The following RLF variants were observed in gnomAD, a reference collection of about 807,000 sequenced individuals.
RLF encodes the protein RLF zinc finger.
Under a neutral mutation model 162.9 loss-of-function variants are expected in RLF, and 7 were observed. The observed-to-expected ratio is 0.04, with a 90% CI of 0.02 to 0.08. RLF has a LOEUF of 0.08. Among genes scored for constraint, RLF ranks in the 10% least tolerant of loss-of-function variants. RLF has a pLI of 1.00. For synonymous variants in RLF, 782 were observed against 791.5 expected, an observed-to-expected ratio of 0.99 and a Z score of 0.20; for missense variants, 1,664 against 2,244.7, an observed-to-expected ratio of 0.74 and a Z score of 5.23.
In RLF at chr1:40,238,994, A is replaced by G; in HGVS notation, c.4292A>G (p.Gln1431Arg). 6.2e-7 allele frequency: 1 copy of G among 1,614,208 alleles called. No individual in the cohort carries two copies. Among genetic ancestry groups the G allele is most frequent in the Non-Finnish European group, 8.5e-7 (1 of 1,180,014 alleles). ...FNKLKHHLME[Q>R]HNIEGEIHSD... Reference sequence around the variant, plus strand: ...AAGTTGAAGCACCACTTGATGGAACAGCATAATATTGAAGGGGAAATACAT... The same window carrying G: ...AAGTTGAAGCACCACTTGATGGAACGGCATAATATTGAAGGGGAAATACAT... Residue 1431 changes from glutamine (Q) to arginine (R), a missense_variant, in exon 8 of 8, where the codon CAG (glutamine) becomes CGG (arginine). Physicochemically the swap from Gln to Arg is conservative, Grantham distance 43. Transcript: ENST00000372771. The surrounding 1 kb of genome is among the most constrained non-coding windows in gnomAD (Gnocchi z 5.2).
At chr1:40,234,399 G>T (rs1305129324) in intron 7 of RLF, among the ~76,000 whole-genome samples, 1 of 152,168 alleles carries the variant, frequency 6.6e-6, no homozygotes, top group East Asian at 1.9e-4. Context: ...TGTAGTAGGG[G>T]TTCTGTAAAT....
At chr1:40,231,426 C>G (rs1643150494) in intron 6 of RLF, 91 bp from the exon 7 acceptor site, 1 of 1,129,406 alleles carries the variant, frequency 8.9e-7, no homozygotes, top group Non-Finnish European at 1.3e-6. Flanking sequence ...CTACTGTCAG[C>G]TTTCTACAGA....
intron 5 of RLF, among the ~76,000 whole-genome samples, chr1:40,220,361 T>C (rs977002011): frequency 2.6e-5 from 4 of 152,254 alleles, no homozygotes; most frequent in Admixed American, 1.3e-4. Flanking sequence ...CTCACTCTTA[T>C]TAGGCCACTG....
At chr1:40,172,961 G>A (rs1303290563) in intron 1 of RLF, among the ~76,000 whole-genome samples, 2 of 151,728 alleles carry the variant, frequency 1.3e-5, no homozygotes, top group African/African-American at 2.4e-5. Flanking sequence ...GGGAGTCCCC[G>A]TTTTACTAAA....
rs1403083048 is a variant in RLF at position 40,173,187 on chromosome 1, C to G, written c.237+11551C>G. On this transcript the variant is annotated intron_variant, in intron 1 of 7. Transcript: ENST00000372771. ...TGCCTCCCGGGTTCAAGCGATTCTC[C>G]TGCCTCAGCCTCTTGAGTAGCTGGG... Among the ~76,000 whole-genome samples, 3 of 151,752 alleles carry G rather than the reference C, an allele frequency of 2.0e-5. No individual in the cohort carries two copies. The East Asian group carries it at 5.8e-4, about 30-fold the overall frequency.
intron 6 of RLF, among the ~76,000 whole-genome samples, chr1:40,228,962 G>C (rs1055372507): frequency 1.3e-5 from 2 of 152,146 alleles, no homozygotes; most frequent in African/African-American, 4.8e-5. Context: ...GCCACCAAGA[G>C]TGGCTAAGCT....
chr1:40,168,411 A>G (rs1185316356), intron 1 of RLF, among the ~76,000 whole-genome samples: 4 of 151,954 alleles, frequency 2.6e-5, no homozygotes, highest in Non-Finnish European at 4.4e-5. Context: ...ACGCCCAGCT[A>G]ATTTTTATAT....
chr1:40,178,057 C>CAT (rs71957395), intron 1 of RLF: 42,159 of 150,162 alleles, frequency 0.28, 7,303 homozygotes, highest in Non-Finnish European at 0.39. Context: ...AAATAAAAAA[C>CAT]ATATATATAT....
chr1:40,199,971 G>C (rs1642689211), intron 4 of RLF, among the ~76,000 whole-genome samples: 1 of 152,156 alleles, frequency 6.6e-6, no homozygotes, highest in Non-Finnish European at 1.5e-5. Flanking sequence ...GAAAATAGAA[G>C]TAGGGAATAA....
chr1:40,208,957 T>C (rs1480548684), intron 5 of RLF, among the ~76,000 whole-genome samples: 1 of 152,234 alleles, frequency 6.6e-6, no homozygotes, highest in Non-Finnish European at 1.5e-5. Context: ...TTTGCTTTTA[T>C]ACATATTAAT....
intron 7 of RLF, among the ~76,000 whole-genome samples, chr1:40,233,204 C>A (rs1643175085): frequency 6.6e-6 from 1 of 152,160 alleles, no homozygotes; most frequent in African/African-American, 2.4e-5. Flanking sequence ...TAAGACCCAC[C>A]AATTTCTTCA....
intron 5 of RLF, among the ~76,000 whole-genome samples, chr1:40,214,037 G>A (rs6600321): frequency 0.54 from 81,735 of 152,124 alleles, 24,441 homozygotes; most frequent in African/African-American, 0.82. Context: ...TTCCTAATTT[G>A]TTTTCTGCAG....
rs1642080132 is a variant in RLF, at chr1:40,161,427, G to T, written c.28G>T (p.Ala10Ser). The change falls in exon 1 of 8, where the codon GCT (alanine) becomes TCT (serine). Residue 10 changes from alanine to serine, a missense_variant. Physicochemically the swap from Ala to Ser is moderately conservative, Grantham distance 99. Transcript: ENST00000372771. The surrounding 1 kb of genome is among the most constrained non-coding windows in gnomAD (Gnocchi z 4.4). ...GGCGGACGGAAAGGGAGACGCCGCC[G>T]CTGTCGCCGGGGCTGGGGCTGAGGC... MADGKGDAA[A>S]VAGAGAEAPA... The T allele has an allele frequency of 1.3e-6, 2 of 1,551,590 alleles. No individual in the cohort carries two copies. Among genetic ancestry groups the T allele is most frequent in the Admixed American group, 2.2e-5 (1 of 45,380 alleles).
At chr1:40,229,832 A>T (rs1643130512) in intron 6 of RLF, among the ~76,000 whole-genome samples, 3 of 151,912 alleles carry the variant, frequency 2.0e-5, no homozygotes, top group Admixed American at 2.0e-4. Context: ...ATTTCACCTT[A>T]TGCCGGGCAC....
chr1:40,199,148 A>G (rs781229255), intron 4 of RLF, among the ~76,000 whole-genome samples: 1 of 152,212 alleles, frequency 6.6e-6, no homozygotes, highest in Non-Finnish European at 1.5e-5. Context: ...ACAATTGTGG[A>G]GGCAGAATTT....
intron 5 of RLF, among the ~76,000 whole-genome samples, chr1:40,207,938 A>G (rs1642818355): frequency 6.6e-6 from 1 of 152,246 alleles, no homozygotes; most frequent in Admixed American, 6.5e-5. Context: ...ATGTACTTAT[A>G]TCTAAGATAC....
intron 5 of RLF, 91 bp from the exon 6 acceptor site, chr1:40,222,483 T>G: frequency 8.4e-7 from 1 of 1,183,832 alleles, no homozygotes; most frequent in East Asian, 2.4e-5. Context: ...TGTCTCTAAT[T>G]TTTGCCTCAT....
At chr1:40,170,122 G>A (rs1642222099) in intron 1 of RLF, among the ~76,000 whole-genome samples, 1 of 152,164 alleles carries the variant, frequency 6.6e-6, no homozygotes, top group South Asian at 2.1e-4. Context: ...CAGCTCAAGA[G>A]TCACATTGCT....
intron 5 of RLF, among the ~76,000 whole-genome samples, chr1:40,217,938 A>G (rs1180993861): frequency 6.6e-6 from 1 of 152,238 alleles, no homozygotes; most frequent in East Asian, 1.9e-4. Context: ...GTATGTAGAC[A>G]TAATACTGGA....
Sources: allele counts gnomAD v4.1 joint callset (sites outside exome capture counted in the v4.1 genomes callset), GRCh38; gene constraint gnomAD v4.1.1; non-coding constraint Gnocchi (gnomAD v3.1); transcripts MANE v1.5; gene names NCBI Gene and HGNC (gene_info 2026-07-23, HGNC 2026-07-21).